The following INTS6 variants were observed in gnomAD, a reference collection of about 807,000 sequenced individuals.
INTS6 encodes DEAD box protein.
Under a neutral mutation model 104.9 loss-of-function variants are expected in INTS6, and 16 were observed. The observed-to-expected ratio is 0.15, with a 90% confidence interval of 0.10 to 0.23. The LOEUF (loss-of-function observed/expected upper bound fraction) is 0.23. Ranked by LOEUF, INTS6 falls within the 10% of genes least tolerant of loss-of-function variation. The pLI, the probability that INTS6 is intolerant of heterozygous loss-of-function variation, is 1.00. For missense variants in INTS6, 584 were observed against 1,062.8 expected, an observed-to-expected ratio of 0.55 and a Z score of 6.26; for synonymous variants, 324 against 358.7, an observed-to-expected ratio of 0.90 and a Z score of 1.09.
chr13:51,411,803 CA>C (rs146540048), intron 4 of INTS6, among the ~76,000 whole-genome samples: 3,665 of 152,178 alleles, frequency 0.024, 58 homozygotes, highest in South Asian at 0.059. Context: ...TATGACCCAC[CA>C]ATTATGCTCG....
At chr13:51,367,184 T>C (rs1179412086) in intron 17 of INTS6, among the ~76,000 whole-genome samples, 1 of 151,842 alleles carries the variant, frequency 6.6e-6, no homozygotes, top group African/African-American at 2.4e-5. Flanking sequence ...ACTAATACAG[T>C]GTAAATACGA....
intron 3 of INTS6, chr13:51,439,184 T>C (rs1952747765): frequency 6.6e-6 from 1 of 152,220 alleles, no homozygotes; most frequent in Non-Finnish European, 1.5e-5. Context: ...TGTTATCATG[T>C]CCCTAATAAA....
At chr13:51,420,262 T>A (rs1956870508) in intron 4 of INTS6, among the ~76,000 whole-genome samples, 1 of 151,792 alleles carries the variant, frequency 6.6e-6, no homozygotes. Flanking sequence ...ATTTCTAAAT[T>A]TAAAAATGTG....
chr13:51,421,182 A>G, intron 4 of INTS6: 1 of 985,770 alleles, frequency 1.0e-6, no homozygotes, highest in Non-Finnish European at 1.2e-6. Flanking sequence ...GCCATTAGAC[A>G]AGGCTTTTCC....
chr13:51,361,137 AT>A, downstream of INTS6: 2 of 538,750 alleles, frequency 3.7e-6, no homozygotes, highest in Non-Finnish European at 3.3e-6. Context: ...CAAAAACAGA[AT>A]TTTCCACTCT....
chr13:51,395,247 A>G (rs2277443), intron 5 of INTS6, 53 bp downstream of exon 5: 130,971 of 1,501,900 alleles, frequency 0.087, 6,609 homozygotes, highest in South Asian at 0.18. Context: ...CTTTTAAAAC[A>G]TTCAGATAAA....
chr13:51,360,848 T>C (rs547427850), downstream of INTS6, among the ~76,000 whole-genome samples: 1 of 152,130 alleles, frequency 6.6e-6, no homozygotes, highest in South Asian at 2.1e-4. Context: ...AAATGATCTC[T>C]GAAGCTTGGT....
chr13:51,383,280 GAGA>G (rs1478106157), intron 9 of INTS6, 46 bp downstream of exon 9: 1 of 1,495,992 alleles, frequency 6.7e-7, no homozygotes, highest in African/African-American at 1.4e-5. Flanking sequence ...TGCGCTTTAG[GAGA>G]ACTTTTATAT....
chr13:51,451,346 A>C, intron 2 of INTS6, 172 bp from the exon 3 acceptor site: 1 of 425,280 alleles, frequency 2.4e-6, no homozygotes, highest in Non-Finnish European at 4.0e-6. Flanking sequence ...GTGGCCCAGG[A>C]ATAACCCAGC....
downstream of INTS6, among the ~76,000 whole-genome samples, chr13:51,358,129 C>G (rs1348671549): frequency 6.6e-6 from 1 of 152,086 alleles, no homozygotes; most frequent in Non-Finnish European, 1.5e-5. Context: ...TTAGCACTCT[C>G]TCTCCCTCTC....
chr13:51,431,541 T>C (rs978984902), intron 3 of INTS6, among the ~76,000 whole-genome samples: 2 of 152,196 alleles, frequency 1.3e-5, no homozygotes, highest in Non-Finnish European at 2.9e-5. Context: ...CCTATAACCT[T>C]TCTCTTACAA....
chr13:51,443,838 T>C (rs908745321), intron 3 of INTS6: 20 of 152,328 alleles, frequency 1.3e-4, no homozygotes, highest in Middle Eastern at 3.4e-3. Flanking sequence ...TAAAATACTA[T>C]ATAATCTCTT....
At chr13:51,361,167 A>G (rs1045431714), downstream of INTS6, 7 of 682,666 alleles carry the variant, frequency 1.0e-5, no homozygotes, top group African/African-American at 1.3e-4. Context: ...CTACACAGTA[A>G]GCAGCATTGG....
At chr13:51,357,393 T>C (rs1955496251), downstream of INTS6, among the ~76,000 whole-genome samples, 4 of 152,142 alleles carry the variant, frequency 2.6e-5, no homozygotes, top group Admixed American at 2.6e-4. Context: ...AGCAGAGACC[T>C]TGCCAGAGAG....
At chr13:51,418,308 T>C (rs1956830789) in intron 4 of INTS6, among the ~76,000 whole-genome samples, 1 of 152,166 alleles carries the variant, frequency 6.6e-6, no homozygotes, top group South Asian at 2.1e-4. Context: ...GTTAAGATTA[T>C]GAGGAAACAA....
chr13:51,384,311 C>T (rs1225959646), intron 7 of INTS6: 1 of 187,988 alleles, frequency 5.3e-6, no homozygotes, highest in Non-Finnish European at 1.1e-5. Flanking sequence ...TTAGAAACCC[C>T]TGTTCTAGAG....
rs565125234 is a variant in INTS6, at chr13:51,376,258, T to C, written c.1603-84A>G. On this transcript the variant is annotated intron_variant, in intron 12 of 17. Transcript: ENST00000311234. ...AAATCTCTAGCCTGCAGCATAGGTT[T>C]GGAAATAAGATATATAAACTGGTTA... The C allele has an allele frequency of 9.1e-6, 10 of 1,094,214 alleles. No homozygotes were observed. In the African/African-American group the frequency reaches 1.6e-4, roughly 17 times the overall value. The allele number at this position is 1,094,214 out of a possible 1,614,324, so 67.8% of individuals were successfully genotyped here. A position where few individuals can be genotyped will look rare whatever the true frequency, so the allele number is the denominator to read the frequency against.
At chr13:51,374,881 T>A (rs2137886923) in intron 13 of INTS6, 85 bp from the exon 14 acceptor site, 1 of 1,381,394 alleles carries the variant, frequency 7.2e-7, no homozygotes, top group East Asian at 2.3e-5. Context: ...TGCTACCTAG[T>A]GTTATTCTAG....
chr13:51,444,517 G>C (rs1284555828), intron 3 of INTS6: 1 of 151,820 alleles, frequency 6.6e-6, no homozygotes, highest in African/African-American at 2.4e-5. Context: ...GGGAGGCCGA[G>C]GTGGGCGGAT....
Sources: gnomAD v4.1 joint callset for allele counts (sites outside exome capture counted in the v4.1 genomes callset) on GRCh38, gnomAD v4.1.1 for gene constraint, MANE v1.5 for transcripts, NCBI Gene and HGNC (gene_info 2026-07-23, HGNC 2026-07-21) for gene names.